Variants in TEX101 observed in about 807,000 individuals in gnomAD.
TEX101 encodes testis expressed 101, also known as testis-expressed protein 101.
TEX101 carries 10 observed loss-of-function variants against 18.1 expected under a neutral mutation model. The observed-to-expected ratio is 0.55, with a 90% CI of 0.34 to 0.94. The LOEUF (loss-of-function observed/expected upper bound fraction) is 0.94, where lower values mean the gene tolerates loss of function less well. Ranked by LOEUF, TEX101 falls within the 40% of genes least tolerant of loss-of-function variation. The pLI is 0.02. For missense variants in TEX101, 259 were observed against 298.9 expected, an observed-to-expected ratio of 0.87 and a Z score of 0.98; for synonymous variants, 94 against 114.8, an observed-to-expected ratio of 0.82 and a Z score of 1.16.
chr19:43,403,259 A>C (rs1324896621), intron 2 of TEX101, among the ~76,000 whole-genome samples: 3 of 152,252 alleles, frequency 2.0e-5, no homozygotes, highest in Admixed American at 6.5e-5. Context: ...CATTATGTTT[A>C]CATATATCCC....
the TEX101 span, among the ~76,000 whole-genome samples, chr19:43,395,066 A>G: frequency 1.3e-5 from 2 of 152,192 alleles, no homozygotes; most frequent in Non-Finnish European, 2.9e-5. Context: ...CTTGTATACC[A>G]TTTTAACAAA....
At chr19:43,406,427 C>T in exon 3 of TEX101, 1 of 750,034 alleles carries the variant, frequency 1.3e-6, no homozygotes. Context: ...GAAGAACCCT[C>T]TGAGCCTGAT....
At chr19:43,406,513 G>A (rs757200433) in exon 3 of TEX101, 3 of 752,030 alleles carry the variant, frequency 4.0e-6, no homozygotes, top group East Asian at 2.6e-5. Flanking sequence ...GCATGGGGGC[G>A]AGGCAGGTAC....
At position 43,416,050 on chromosome 19, in the gene TEX101, C is replaced by T. The variant is rs530694366; in HGVS notation, c.65-49C>T. 26 of 1,607,930 alleles carry T rather than the reference C, an allele frequency of 1.6e-5. No individual in the cohort carries two copies. The Admixed American group carries it at 2.2e-4, about 14-fold the overall frequency. ...GGTGGACTGATGATGAAAAGGGAGC[C>T]GCCTTGGCCCATGGAGAAGTGCTTA... On this transcript the variant is annotated intron_variant, in intron 2 of 5. Coordinates refer to ENST00000598265, the MANE Select transcript of TEX101 (RefSeq NM_001130011.3).
intron 4 of TEX101, among the ~76,000 whole-genome samples, chr19:43,416,849 A>G (rs1263376724): frequency 6.6e-6 from 1 of 152,054 alleles, no homozygotes; most frequent in African/African-American, 2.4e-5. Flanking sequence ...CTTGGCCAAC[A>G]TGGTGAAAAC....
At chr19:43,391,406 C>CTTTTTTTTTTTTTTTTTTTTTTTTTT in the TEX101 span, among the ~76,000 whole-genome samples, 3 of 95,898 alleles carry the variant, frequency 3.1e-5, no homozygotes, top group Non-Finnish European at 4.0e-5. Flanking sequence ...TTCTGTTTTT[C>CTTTTTTTTTTTTTTTTTTTTTTTTTT]TTTTTTTTTT....
the TEX101 span, among the ~76,000 whole-genome samples, chr19:43,395,406 G>A: frequency 6.6e-6 from 1 of 152,218 alleles, no homozygotes; most frequent in Non-Finnish European, 1.5e-5. Context: ...CCACTGATGA[G>A]TCCATCTTTC....
At chr19:43,395,133 C>T in the TEX101 span, among the ~76,000 whole-genome samples, 1 of 152,160 alleles carries the variant, frequency 6.6e-6, no homozygotes, top group Non-Finnish European at 1.5e-5. Flanking sequence ...CCTAGAAATG[C>T]CTGGGAAACT....
At chr19:43,418,029 T>A in intron 5 of TEX101, 23 bp downstream of exon 5, 1 of 1,613,970 alleles carries the variant, frequency 6.2e-7, no homozygotes, top group Non-Finnish European at 8.5e-7. Context: ...GAACATCTGA[T>A]AGTTTCAGAG....
chr19:43,397,798 TTATATTATATAA>T (rs1970280641), upstream of TEX101, among the ~76,000 whole-genome samples: 1 of 117,144 alleles, frequency 8.5e-6, no homozygotes, highest in Admixed American at 1.3e-4. Flanking sequence ...TTTTATATAT[TTATATTATATAA>T]ATATAAATAT....
At chr19:43,397,884 ATT>A (rs1444992404), upstream of TEX101, among the ~76,000 whole-genome samples, 6 of 91,914 alleles carry the variant, frequency 6.5e-5, no homozygotes, top group African/African-American at 2.8e-4. Flanking sequence ...AAAAATATAT[ATT>A]ATATATAAAT....
upstream of TEX101, among the ~76,000 whole-genome samples, chr19:43,399,338 G>A (rs1970299929): frequency 6.6e-6 from 1 of 152,094 alleles, no homozygotes; most frequent in African/African-American, 2.4e-5. Context: ...GGGTTCAGGT[G>A]TTGTCAGCCT....
At position 43,418,578 on chromosome 19, in the gene TEX101, A is replaced by G; in HGVS notation, c.*181A>G. Reference sequence around the variant, plus strand: ...ATTTTTGTATGCAGTAGGCGTTACTAATAAACATTTCTGCTGTGATTTGTG... The same window carrying G: ...ATTTTTGTATGCAGTAGGCGTTACTGATAAACATTTCTGCTGTGATTTGTG... On this transcript the variant is annotated 3_prime_UTR_variant, in exon 6 of 6. Coordinates refer to ENST00000598265, the MANE Select transcript of TEX101 (RefSeq NM_001130011.3). 1.7e-6 allele frequency: 1 copy of G among 582,684 alleles called. No individual in the cohort carries two copies. The highest frequency in any genetic ancestry group is 3.0e-6 in the Non-Finnish European group (1 of 333,430). The allele number at this position is 582,684 out of a possible 1,614,324, so 36.1% of individuals were successfully genotyped here.
intron 4 of TEX101, among the ~76,000 whole-genome samples, chr19:43,417,002 C>T (rs1011814628): frequency 7.0e-6 from 1 of 143,596 alleles, no homozygotes; most frequent in Non-Finnish European, 1.5e-5. Flanking sequence ...CACTGCACTT[C>T]AGCCTGGGAC....
chr19:43,391,861 A>G, the TEX101 span, among the ~76,000 whole-genome samples: 2 of 152,212 alleles, frequency 1.3e-5, no homozygotes, highest in Non-Finnish European at 2.9e-5. Context: ...AGGTGAGTGC[A>G]TTGGTGAGAG....
chr19:43,390,607 A>G, the TEX101 span, among the ~76,000 whole-genome samples: 1 of 151,236 alleles, frequency 6.6e-6, no homozygotes, highest in Non-Finnish European at 1.5e-5. Flanking sequence ...AGCTGAGACT[A>G]CAGGTGCATG....
upstream of TEX101, among the ~76,000 whole-genome samples, chr19:43,411,920 G>A (rs186498947): frequency 5.1e-3 from 773 of 152,322 alleles, 3 homozygotes; most frequent in Non-Finnish European, 8.6e-3. Flanking sequence ...GCCTCCCAAA[G>A]TGCTGGGATT....
At chr19:43,405,205 T>G (rs1970349864) in intron 2 of TEX101, among the ~76,000 whole-genome samples, 1 of 152,152 alleles carries the variant, frequency 6.6e-6, no homozygotes, top group South Asian at 2.1e-4. Context: ...CTTTAGACTT[T>G]GATAAATGAA....
chr19:43,415,161 C>A, intron 1 of TEX101, 123 bp downstream of exon 1: 1 of 655,264 alleles, frequency 1.5e-6, no homozygotes, highest in Non-Finnish European at 1.9e-6. Flanking sequence ...GTGGTTGGAA[C>A]CCAGACTCCT....
Sources: gnomAD v4.1 joint callset for allele counts (sites outside exome capture counted in the v4.1 genomes callset) on GRCh38, gnomAD v4.1.1 for gene constraint, MANE v1.5 for transcripts, NCBI Gene and HGNC (gene_info 2026-07-23, HGNC 2026-07-21) for gene names.